Variants in KCNIP1 observed in about 807,000 individuals in gnomAD.
The protein encoded by KCNIP1 is A-type potassium channel modulatory protein KCNIP1.
KCNIP1 carries 18 observed loss-of-function variants against 33.0 expected under a neutral mutation model. The observed-to-expected ratio is 0.55, with a 90% CI of 0.38 to 0.81. The LOEUF (loss-of-function observed/expected upper bound fraction) is 0.81. Ranked by LOEUF, KCNIP1 falls within the 30% of genes least tolerant of loss-of-function variation. KCNIP1 has a pLI of 0.00. For missense variants in KCNIP1, 238 were observed against 271.6 expected, an observed-to-expected ratio of 0.88 and a Z score of 0.87; for synonymous variants, 93 against 98.3, an observed-to-expected ratio of 0.95 and a Z score of 0.32.
chr5:170,378,847 T>C (rs1392047484), intron 1 of KCNIP1: 1 of 1,614,230 alleles, frequency 6.2e-7, no homozygotes, highest in Non-Finnish European at 8.5e-7. Flanking sequence ...AATAGGACGC[T>C]GGTTTCGTTC....
intron 1 of KCNIP1, among the ~76,000 whole-genome samples, chr5:170,427,295 A>C (rs964206344): frequency 6.6e-6 from 1 of 152,156 alleles, no homozygotes; most frequent in Non-Finnish European, 1.5e-5. Context: ...TGCGGCCTCC[A>C]ACGACCAGGA....
At chr5:170,561,748 T>C (rs2113456722) in intron 1 of KCNIP1, among the ~76,000 whole-genome samples, 1 of 152,302 alleles carries the variant, frequency 6.6e-6, no homozygotes, top group Non-Finnish European at 1.5e-5. Context: ...ACAGTATATA[T>C]TCGTTGAGTT....
intron 1 of KCNIP1, among the ~76,000 whole-genome samples, chr5:170,465,636 CAAAG>C (rs879322205): frequency 2.6e-5 from 4 of 152,172 alleles, no homozygotes; most frequent in Non-Finnish European, 4.4e-5. Context: ...CACACAAACA[CAAAG>C]AGAGAGACAG....
chr5:170,438,893 C>T (rs1403582948), intron 1 of KCNIP1, among the ~76,000 whole-genome samples: 2 of 152,220 alleles, frequency 1.3e-5, no homozygotes, highest in Non-Finnish European at 2.9e-5. Context: ...TTGTACTCCT[C>T]TGTGCCTGGA....
At chr5:170,422,347 T>C (rs996471110) in intron 1 of KCNIP1, 3 of 152,228 alleles carry the variant, frequency 2.0e-5, no homozygotes, top group Non-Finnish European at 4.4e-5. Flanking sequence ...TATCGTCTCA[T>C]ACTGAGCAAG....
intron 1 of KCNIP1, among the ~76,000 whole-genome samples, chr5:170,671,339 T>C (rs1353398943): frequency 6.6e-6 from 1 of 152,176 alleles, no homozygotes; most frequent in African/African-American, 2.4e-5. Context: ...AGACACCTTT[T>C]CAGCACTTAG....
At chr5:170,478,475 G>A (rs1351927827) in intron 1 of KCNIP1, among the ~76,000 whole-genome samples, 2 of 93,596 alleles carry the variant, frequency 2.1e-5, no homozygotes, top group Admixed American at 1.1e-4. Context: ...TAGATCCCTC[G>A]GGCTGCCATC....
chr5:170,380,712 A>G (rs1764204861), intron 1 of KCNIP1, among the ~76,000 whole-genome samples: 1 of 152,214 alleles, frequency 6.6e-6, no homozygotes, highest in South Asian at 2.1e-4. Flanking sequence ...TCCTGAGCTG[A>G]CGGTGAGGGG....
At chr5:170,362,370 C>T (rs1763537194) in intron 1 of KCNIP1, among the ~76,000 whole-genome samples, 1 of 152,172 alleles carries the variant, frequency 6.6e-6, no homozygotes, top group Non-Finnish European at 1.5e-5. Flanking sequence ...GAAGACAAAA[C>T]AGATTCCTTC....
chr5:170,452,584 C>T lies in KCNIP1; in HGVS notation c.88+98620C>T, dbSNP rs138436779. Reference sequence around the variant, plus strand: ...TCCCATCTTCAGGCCAAGCTGACATCCATGGCTGTAAAATTGTCACCCTTC... The same window carrying T: ...TCCCATCTTCAGGCCAAGCTGACATTCATGGCTGTAAAATTGTCACCCTTC... On this transcript the variant is annotated intron_variant, in intron 1 of 7. Coordinates refer to the KCNIP1 transcript ENST00000377360. Among the ~76,000 whole-genome samples the T allele has an allele frequency of 5.3e-4, 81 of 152,294 alleles. 1 individual carries two copies. The highest frequency in any genetic ancestry group is 1.8e-3 in the African/African-American group (76 of 41,554).
rs2113906338 is a variant in KCNIP1, at chr5:170,736,422, T to C, written c.*616T>C. On this transcript the variant is annotated 3_prime_UTR_variant, in exon 8 of 8. Coordinates refer to ENST00000328939, the MANE Select transcript of KCNIP1 (RefSeq NM_014592.4). ...ATTTGTTTCCAGAAACGAGGACCAA[T>C]AATTCTCTCACACTGGCATTTGTGC... is the stretch of plus-strand genomic sequence containing the variant. 6.5e-6 allele frequency: 1 copy of C among 152,864 alleles called. No individual in the cohort carries two copies. Among genetic ancestry groups the C allele is most frequent in the South Asian group, 2.1e-4 (1 of 4,818 alleles). 9.5% of individuals were successfully genotyped at this position (152,864 alleles called of 1,614,324 possible).
intron 1 of KCNIP1, among the ~76,000 whole-genome samples, chr5:170,672,282 T>C (rs1761956127): frequency 6.6e-6 from 1 of 152,110 alleles, no homozygotes; most frequent in Non-Finnish European, 1.5e-5. Flanking sequence ...GACAGCAACA[T>C]ATGGCAGCTG....
intron 1 of KCNIP1, among the ~76,000 whole-genome samples, chr5:170,543,062 T>G (rs1756271736): frequency 6.6e-6 from 1 of 152,222 alleles, no homozygotes; most frequent in African/African-American, 2.4e-5. Flanking sequence ...GAAGCTCTGT[T>G]AGGCCTCTTT....
intron 1 of KCNIP1, among the ~76,000 whole-genome samples, chr5:170,519,634 G>A (rs940270976): frequency 6.6e-6 from 1 of 152,080 alleles, no homozygotes; most frequent in African/African-American, 2.4e-5. Context: ...AGGAGGTAAT[G>A]GAAAGACCAA....
intron 1 of KCNIP1, among the ~76,000 whole-genome samples, chr5:170,677,893 C>A (rs2113787001): frequency 6.6e-6 from 1 of 152,084 alleles, no homozygotes; most frequent in South Asian, 2.1e-4. Context: ...AGATTCTTGG[C>A]CAAAAAAATA....
At chr5:170,714,329 A>ATGATGAAAGGGGCCTGGAC (rs2113860975) in intron 1 of KCNIP1, among the ~76,000 whole-genome samples, 1 of 152,340 alleles carries the variant, frequency 6.6e-6, no homozygotes, top group East Asian at 1.9e-4. Flanking sequence ...GAAACCAGAT[A>ATGATGAAAGGGGCCTGGAC]TGATGAAAGG....
chr5:170,506,709 A>G (rs1754732779), intron 1 of KCNIP1, among the ~76,000 whole-genome samples: 1 of 152,172 alleles, frequency 6.6e-6, no homozygotes, highest in Non-Finnish European at 1.5e-5. Flanking sequence ...TTTAACCCTC[A>G]CAACAATGTT....
chr5:170,455,552 A>G (rs1756352196), intron 1 of KCNIP1, among the ~76,000 whole-genome samples: 1 of 152,220 alleles, frequency 6.6e-6, no homozygotes, highest in Non-Finnish European at 1.5e-5. Context: ...AATAGACCAT[A>G]TGCTAGGCCA....
intron 1 of KCNIP1, chr5:170,378,716 C>T (rs923176462): frequency 1.3e-5 from 21 of 1,610,710 alleles, no homozygotes; most frequent in African/African-American, 5.4e-5. Context: ...ACTTCTGGGC[C>T]GCCAGGATGG....
Sources: gnomAD v4.1 joint callset for allele counts (sites outside exome capture counted in the v4.1 genomes callset) on GRCh38, gnomAD v4.1.1 for gene constraint, MANE v1.5 for transcripts, NCBI Gene and HGNC (gene_info 2026-07-23, HGNC 2026-07-21) for gene names.